KLHL13: variants seen among roughly 807,000 people sequenced by gnomAD.
KLHL13 encodes the protein kelch like family member 13, also known as kelch-like protein 13.
A neutral mutation model predicts 37.1 loss-of-function variants in KLHL13; 10 were observed. The ratio of observed to expected loss-of-function variants is 0.27; its 90% CI spans 0.17 to 0.46. The LOEUF is 0.46. Ranked by LOEUF, KLHL13 falls within the 20% of genes least tolerant of loss-of-function variation. The probability of loss-of-function intolerance (pLI) is 1.00; values close to 1 mark genes in which losing one functional copy is unlikely to be tolerated. For missense variants in KLHL13, 360 were observed against 509.3 expected, an observed-to-expected ratio of 0.71 and a Z score of 2.82; for synonymous variants, 163 against 181.2, an observed-to-expected ratio of 0.90 and a Z score of 0.81.
chrX:117,992,024 C>T (rs1416179648), intron 1 of KLHL13, among the ~76,000 whole-genome samples: 2 of 109,930 alleles, frequency 1.8e-5, no homozygotes, highest in Non-Finnish European at 3.8e-5. Flanking sequence ...GATGAGGTGG[C>T]TATCAGTTAT....
At chrX:118,019,163 C>G (rs1266244154) in intron 1 of KLHL13, among the ~76,000 whole-genome samples, 1 of 111,183 alleles carries the variant, frequency 9.0e-6, no homozygotes, top group East Asian at 2.8e-4. Flanking sequence ...TTATTCACCT[C>G]ACCTAACTGC....
intron 1 of KLHL13, among the ~76,000 whole-genome samples, chrX:117,965,655 A>G (rs1213148708): frequency 1.8e-5 from 2 of 111,651 alleles, no homozygotes; most frequent in East Asian, 2.8e-4. Context: ...AAAATCCTCA[A>G]TAAAATACTG....
chrX:117,914,962 G>C (rs988496140), intron 4 of KLHL13, among the ~76,000 whole-genome samples: 1 of 111,771 alleles, frequency 8.9e-6, no homozygotes. Flanking sequence ...CAAAAGATGG[G>C]TATCAACCAA....
At chrX:118,052,478 C>T (rs960652073) in intron 1 of KLHL13, among the ~76,000 whole-genome samples, 1 of 103,469 alleles carries the variant, frequency 9.7e-6, no homozygotes, top group Admixed American at 1.1e-4. Context: ...AGCGGAGATG[C>T]GCCACTGCAC....
At chrX:117,909,179 T>A in intron 5 of KLHL13, 122 bp downstream of exon 6, 1 of 619,185 alleles carries the variant, frequency 1.6e-6, no homozygotes, top group Non-Finnish European at 2.4e-6. Flanking sequence ...CTCAGAAAAA[T>A]AGTTTTAAAA....
At chrX:118,021,843 C>A (rs1326130608) in intron 1 of KLHL13, among the ~76,000 whole-genome samples, 10 of 111,831 alleles carry the variant, frequency 8.9e-5, no homozygotes, top group African/African-American at 3.3e-4. Context: ...AACTAGTTTA[C>A]AGTCCCACCA....
intron 1 of KLHL13, among the ~76,000 whole-genome samples, chrX:118,011,845 T>C (rs1427626225): frequency 1.8e-5 from 2 of 112,539 alleles, no homozygotes; most frequent in East Asian, 5.5e-4. Flanking sequence ...ATCCAAAATA[T>C]TAACAGCGCT....
intron 1 of KLHL13, among the ~76,000 whole-genome samples, chrX:118,053,849 G>GGGGAGAGAGAGAGA (rs2054653198): frequency 9.1e-5 from 1 of 11,004 alleles, no homozygotes; most frequent in African/African-American, 3.5e-4. Context: ...GAGAGAGAGA[G>GGGGAGAGAGAGAGA]GAGAGAGAGA....
intron 1 of KLHL13, among the ~76,000 whole-genome samples, chrX:117,991,000 G>A (rs1204931909): frequency 9.1e-6 from 1 of 110,352 alleles, no homozygotes; most frequent in African/African-American, 3.4e-5. Context: ...TCTACAACAT[G>A]GTTTAACATG....
At chrX:117,920,308 T>G (rs1931618280) in exon 3 of KLHL13, 2 of 1,206,476 alleles carry the variant, frequency 1.7e-6, no homozygotes, top group Non-Finnish European at 2.2e-6. Context: ...AAGCATCATC[T>G]GTGTCACCTG....
At chrX:117,905,805 G>A (rs1368823873) in intron 5 of KLHL13, among the ~76,000 whole-genome samples, 8 of 110,764 alleles carry the variant, frequency 7.2e-5, no homozygotes, top group South Asian at 3.8e-4. Context: ...TCTGTGTTAC[G>A]AATAATCCAA....
At chrX:117,961,129 C>T (rs2053288401) in intron 1 of KLHL13, among the ~76,000 whole-genome samples, 1 of 111,698 alleles carries the variant, frequency 9.0e-6, no homozygotes. Context: ...AAATGTAGAG[C>T]ACAATAAAAG....
chrX:118,098,061 A>T (rs1172208342), intron 1 of KLHL13, among the ~76,000 whole-genome samples: 4 of 112,007 alleles, frequency 3.6e-5, no homozygotes, highest in Admixed American at 9.5e-5. Flanking sequence ...ATGGCAACAA[A>T]AACCAAAATT....
In KLHL13 at chrX:118,052,471, G is replaced by A. The variant is rs1194725292; in HGVS notation, c.-56+64037C>T. ...CTGGGAGGCAGAGCTTGCAGTGAGC[G>A]GAGATGCGCCACTGCACTCCAGCCT... On this transcript the variant is annotated intron_variant, in intron 1 of 6. Coordinates refer to the KLHL13 transcript ENST00000371882. 3.8e-4 allele frequency among the ~76,000 whole-genome samples: 40 copies of A among 105,425 alleles called. 1 individual carries two copies. The highest frequency in any genetic ancestry group is 4.4e-4 in the South Asian group (1 of 2,277). The allele number at this position is 105,425 out of a possible 115,157, so 91.5% of individuals were successfully genotyped here.
At chrX:118,101,766 G>T (rs888214099) in intron 1 of KLHL13, among the ~76,000 whole-genome samples, 10 of 110,939 alleles carry the variant, frequency 9.0e-5, no homozygotes, top group African/African-American at 2.6e-4. Context: ...TGCTGTTCTC[G>T]TGATAGTTCT....
At chrX:117,978,045 T>C (rs1433546311), upstream of KLHL13, among the ~76,000 whole-genome samples, 10 of 111,743 alleles carry the variant, frequency 8.9e-5, no homozygotes, top group South Asian at 1.1e-3. Flanking sequence ...CAATAAAAAA[T>C]GGAAAATCCC....
At chrX:118,026,207 A>G (rs746058863) in intron 1 of KLHL13, among the ~76,000 whole-genome samples, 1 of 111,894 alleles carries the variant, frequency 8.9e-6, no homozygotes, top group African/African-American at 3.2e-5. Flanking sequence ...ACATGCCTGT[A>G]TTTTAAAATA....
chrX:118,111,113 G>C (rs753596428), intron 1 of KLHL13, among the ~76,000 whole-genome samples: 117 of 112,604 alleles, frequency 1.0e-3, no homozygotes, highest in African/African-American at 3.6e-3. Flanking sequence ...AACATACTAT[G>C]TGCAAGGCCC....
chrX:117,964,140 T>C (rs1373685850), intron 1 of KLHL13, among the ~76,000 whole-genome samples: 4 of 102,527 alleles, frequency 3.9e-5, no homozygotes, highest in Non-Finnish European at 7.9e-5. Context: ...CATGTATACA[T>C]ATGTAACTAA....
Sources: gnomAD v4.1 joint callset for allele counts (sites outside exome capture counted in the v4.1 genomes callset) on GRCh38, gnomAD v4.1.1 for gene constraint, MANE v1.5 for transcripts, NCBI Gene and HGNC (gene_info 2026-07-23, HGNC 2026-07-21) for gene names.